Variants in SLC5A1 observed in about 807,000 individuals in gnomAD.
SLC5A1 encodes the protein sodium/glucose cotransporter 1.
A neutral mutation model predicts 73.5 loss-of-function variants in SLC5A1; 42 were observed. That is an observed-to-expected ratio of 0.57 (90% CI 0.45 to 0.74). SLC5A1 has a LOEUF of 0.74. SLC5A1 is among the 30% of genes least tolerant of loss of function. The pLI is 0.00. For synonymous variants in SLC5A1, 300 were observed against 317.4 expected, an observed-to-expected ratio of 0.95 and a Z score of 0.58; for missense variants, 634 against 855.4, an observed-to-expected ratio of 0.74 and a Z score of 3.23.
rs747034400 is a variant in SLC5A1 at position 32,108,108 on chromosome 22, AT to A, written c.1772-1866del. On this transcript the variant is annotated intron_variant, in intron 14 of 14. Transcript: ENST00000266088. ...ACAGAGAATTTCCTAAGGCCATTCA[AT>A]TTTTTTTTTTTTTTTGAGACAGAGT... Among the ~76,000 whole-genome samples the A allele has an allele frequency of 7.5e-3, 1,065 of 142,404 alleles. 10 individuals are homozygous for A. Among genetic ancestry groups the A allele is most frequent in the African/African-American group, 0.02 (783 of 38,684 alleles). 93.4% of individuals were successfully genotyped at this position (142,404 alleles called of 152,430 possible).
chr22:32,059,345 G>T (rs2093956781), intron 2 of SLC5A1: 1 of 985,564 alleles, frequency 1.0e-6, no homozygotes, highest in Non-Finnish European at 1.2e-6. Flanking sequence ...AACACATGAG[G>T]TAAGAGATTG....
intron 2 of SLC5A1, chr22:32,059,053 C>T: frequency 1.0e-6 from 1 of 971,138 alleles, no homozygotes; most frequent in Non-Finnish European, 1.2e-6. Context: ...TTTACTGAGT[C>T]CTTGCCATGT....
chr22:32,080,107 A>G (rs1231062930), intron 5 of SLC5A1, among the ~76,000 whole-genome samples: 1 of 152,126 alleles, frequency 6.6e-6, no homozygotes, highest in Non-Finnish European at 1.5e-5. Flanking sequence ...GAGTGGCGGC[A>G]CTGGGGCTAA....
intron 2 of SLC5A1, among the ~76,000 whole-genome samples, chr22:32,058,260 G>C (rs2093954866): frequency 6.6e-6 from 1 of 152,162 alleles, no homozygotes; most frequent in Non-Finnish European, 1.5e-5. Flanking sequence ...AGTGGCTCAT[G>C]CCTATAATCC....
chr22:32,101,947 C>T (rs1830249992), intron 12 of SLC5A1, 75 bp from the exon 13 acceptor site: 12 of 1,160,018 alleles, frequency 1.0e-5, no homozygotes, highest in African/African-American at 1.5e-5. Flanking sequence ...TCTGCCTATG[C>T]CTCTCCAAAG....
chr22:32,055,995 A>G (rs1158971472), intron 2 of SLC5A1, among the ~76,000 whole-genome samples: 3 of 152,046 alleles, frequency 2.0e-5, no homozygotes, highest in Non-Finnish European at 4.4e-5. Context: ...ACGCTAGCAA[A>G]TGGGGCCCAG....
rs2094002610 is a variant in SLC5A1 at position 32,083,111 on chromosome 22, G to A, written c.621G>A (p.Gln207=). The A allele has an allele frequency of 6.2e-7, 1 of 1,614,218 alleles. No homozygotes were observed. Among genetic ancestry groups the A allele is most frequent in the South Asian group, 1.1e-5 (1 of 91,086 alleles). The stretch of plus-strand genomic sequence containing the variant: ...CGGTGATTTACACGGACACCTTGCA[G>A]ACGGTGATCATGCTGGTGGGGTCTT... ...LAAVIYTDTL[Q]TVIMLVGSLI... is the part of the protein sequence containing the mutation. The change falls in exon 7 of 15, where the codon CAG becomes CAA. Residue 207 remains glutamine, a synonymous_variant. Transcript: ENST00000266088.
rs2094059352 is a variant in SLC5A1 at position 32,112,636 on chromosome 22, C to T, written c.*2423C>T. ...GCTTGTAAAATATCAGGCCTTGCCC[C>T]AGAAAGACAAATACCACATGATCTC... On this transcript the variant is annotated 3_prime_UTR_variant, in exon 15 of 15. Coordinates refer to ENST00000266088, the MANE Select transcript of SLC5A1 (RefSeq NM_000343.4). The T allele has an allele frequency of 6.6e-6, 1 of 152,026 alleles. No individual in the cohort carries two copies. Among genetic ancestry groups the T allele is most frequent in the Non-Finnish European group, 1.5e-5 (1 of 68,028 alleles). The allele number at this position is 152,026 out of a possible 1,614,324, so 9.4% of individuals were successfully genotyped here.
chr22:32,066,273 C>T (rs1343806097), intron 2 of SLC5A1, among the ~76,000 whole-genome samples: 1 of 152,094 alleles, frequency 6.6e-6, no homozygotes, highest in Non-Finnish European at 1.5e-5. Flanking sequence ...GTTTTGTGCA[C>T]GTGTCCGTGT....
rs1043241664 is a variant in SLC5A1 at position 32,105,590 on chromosome 22, C to T, written c.1771+699C>T. On this transcript the variant is annotated intron_variant, in intron 14 of 14. Transcript: ENST00000266088. ...GATTACAGGCATAAGCCACCACACC[C>T]GGCCTTGCACTCTTAATTTTAAAAT... Among the ~76,000 whole-genome samples, 5 of 152,188 alleles carry T rather than the reference C, an allele frequency of 3.3e-5. No homozygotes were observed. The East Asian group carries it at 7.7e-4, about 23-fold the overall frequency.
intron 10 of SLC5A1, among the ~76,000 whole-genome samples, chr22:32,086,883 G>A (rs2094009219): frequency 6.6e-6 from 1 of 152,116 alleles, no homozygotes; most frequent in African/African-American, 2.4e-5. Context: ...AATGGATAAA[G>A]AAAATGTAAT....
At chr22:32,057,812 C>T (rs1248452714) in intron 2 of SLC5A1, among the ~76,000 whole-genome samples, 2 of 152,144 alleles carry the variant, frequency 1.3e-5, no homozygotes, top group Middle Eastern at 3.2e-3. Flanking sequence ...GCACACAAAA[C>T]ATAACTGTAG....
intron 14 of SLC5A1, among the ~76,000 whole-genome samples, chr22:32,105,694 G>A (rs1052726051): frequency 2.6e-5 from 4 of 151,984 alleles, no homozygotes; most frequent in African/African-American, 9.6e-5. Flanking sequence ...CTATTTTTTT[G>A]TTGTACCCAT....
Position 32,084,897 on chromosome 22 carries a change from CA to C in SLC5A1, c.886-2del. On this transcript the variant is annotated splice_acceptor_variant, in intron 8 of 14. Transcript: ENST00000266088. LOFTEE classifies it high-confidence loss of function. Reference sequence around the variant, plus strand: ...ACCTCCCTTACTGGGCTTTTTCTGGCAGGTCATTGTGCAGCGCTGCCTCTCA... The same window carrying C: ...ACCTCCCTTACTGGGCTTTTTCTGGCGGTCATTGTGCAGCGCTGCCTCTCA... 6.2e-7 allele frequency: 1 copy of C among 1,614,090 alleles called. No individual in the cohort carries two copies. Among genetic ancestry groups the C allele is most frequent in the South Asian group, 1.1e-5 (1 of 91,072 alleles).
intron 5 of SLC5A1, among the ~76,000 whole-genome samples, chr22:32,074,936 G>C (rs1029264043): frequency 2.0e-5 from 3 of 152,016 alleles, no homozygotes; most frequent in African/African-American, 7.3e-5. Flanking sequence ...TTGCTCTGTT[G>C]CCCAGGCTGG....
At chr22:32,056,125 G>T (rs2093951455) in intron 2 of SLC5A1, among the ~76,000 whole-genome samples, 1 of 152,110 alleles carries the variant, frequency 6.6e-6, no homozygotes, top group African/African-American at 2.4e-5. Context: ...GGGCTCAAAC[G>T]ATCCTCCCAC....
At chr22:32,108,108 A>ATTTT (rs747034400) in intron 14 of SLC5A1, among the ~76,000 whole-genome samples, 2 of 142,490 alleles carry the variant, frequency 1.4e-5, no homozygotes, top group Non-Finnish European at 1.5e-5. Context: ...AGGCCATTCA[A>ATTTT]TTTTTTTTTT....
Position 32,112,208 on chromosome 22 carries a change from T to C in SLC5A1, c.*1995T>C, listed in dbSNP as rs999440734. The C allele has an allele frequency of 2.3e-4, 35 of 152,322 alleles. No homozygotes were observed. The highest frequency in any genetic ancestry group is 1.5e-3 in the East Asian group (8 of 5,192). The allele number at this position is 152,322 out of a possible 1,614,324, so 9.4% of individuals were successfully genotyped here. ...CAATAGGTGTTGGTCTTCTAACTTG[T>C]CTACATCCCATCCCCATTCCAGGGT... is the stretch of plus-strand genomic sequence containing the variant. On this transcript the variant is annotated 3_prime_UTR_variant, in exon 15 of 15. Transcript: ENST00000266088.
chr22:32,090,599 G>T (rs1047019410), intron 10 of SLC5A1, among the ~76,000 whole-genome samples: 1 of 151,624 alleles, frequency 6.6e-6, no homozygotes, highest in African/African-American at 2.4e-5. Context: ...CCTCCTTTTT[G>T]GGTATTACAA....
Sources: gnomAD v4.1 joint callset for allele counts (sites outside exome capture counted in the v4.1 genomes callset) on GRCh38, gnomAD v4.1.1 for gene constraint, MANE v1.5 for transcripts, NCBI Gene and HGNC (gene_info 2026-07-23, HGNC 2026-07-21) for gene names.